PIF1: variants seen among roughly 807,000 people sequenced by gnomAD.
The protein encoded by PIF1 is ATP-dependent DNA helicase PIF1.
A neutral mutation model predicts 62.3 loss-of-function variants in PIF1; 67 were observed. That is an observed-to-expected ratio of 1.08 (90% CI 0.88 to 1.32). The LOEUF is 1.32. Ranked by LOEUF, PIF1 falls within the 40% of genes most tolerant of loss-of-function variation. PIF1 has a pLI of 0.00. For missense variants in PIF1, 886 were observed against 866.1 expected, an observed-to-expected ratio of 1.02 and a Z score of -0.29; for synonymous variants, 364 against 379.5, an observed-to-expected ratio of 0.96 and a Z score of 0.47.
At chr15:64,819,291 C>CT (rs760898346) in intron 8 of PIF1, 68 bp from the exon 9 acceptor site, 19 of 1,063,628 alleles carry the variant, frequency 1.8e-5, no homozygotes, top group Non-Finnish European at 9.6e-6. Flanking sequence ...CCAAAAAAGA[C>CT]TTTTTTTAAA....
At chr15:64,825,170 T>C (rs375537134) in intron 1 of PIF1, among the ~76,000 whole-genome samples, 55 of 151,230 alleles carry the variant, frequency 3.6e-4, no homozygotes, top group African/African-American at 1.1e-3. Context: ...GGCGAGCACA[T>C]GAATCCTCAG....
chr15:64,817,401 C>T, intron 11 of PIF1, among the ~76,000 whole-genome samples: 1 of 152,012 alleles, frequency 6.6e-6, no homozygotes, highest in Non-Finnish European at 1.5e-5. Context: ...AAAAAATTAG[C>T]CAGGCGTGGT....
chr15:64,819,339 T>G, intron 8 of PIF1, 116 bp from the exon 9 acceptor site: 1 of 732,826 alleles, frequency 1.4e-6, no homozygotes, highest in East Asian at 3.1e-5. Flanking sequence ...GAGAAGGAGT[T>G]TCGCTCTGTT....
intron 2 of PIF1, 106 bp from the exon 3 acceptor site, chr15:64,822,716 A>C: frequency 6.7e-7 from 1 of 1,493,852 alleles, no homozygotes. Flanking sequence ...TTTGTCCTCT[A>C]CTGCCTTCAT....
In PIF1 at chr15:64,815,826, GAC is replaced by G. The variant is rs1301690613; in HGVS notation, c.*470_*471del. The G allele has an allele frequency of 3.9e-6, 6 of 1,550,518 alleles. No individual in the cohort carries two copies. The Admixed American group carries it at 7.8e-5, about 20-fold the overall frequency. On this transcript the variant is annotated 3_prime_UTR_variant, in exon 13 of 13. Transcript: ENST00000559239. ...GGGCTAGGCTGGGCCTAGCTGTAGAGACACACCTAAGTTCCGTTCTCTGTTTG... is the reference window on the plus strand; with the variant it reads ...GGGCTAGGCTGGGCCTAGCTGTAGAGACACCTAAGTTCCGTTCTCTGTTTG...
chr15:64,824,229 T>C lies in PIF1; in HGVS notation c.107A>G (p.Gln36Arg). The change falls in exon 2 of 13, where the codon CAG (glutamine) becomes CGG (arginine). Residue 36 changes from glutamine to arginine, a missense_variant. By Grantham distance (43) the Gln-to-Arg change is conservative. Coordinates refer to ENST00000559239, the MANE Select transcript of PIF1 (RefSeq NM_001286496.2). The part of the protein sequence containing the change: ...LSPGGQPRRR[Q>R]ALRTAELSLG... ...GCTCAGCTCCGCGGTGCGCAGGGCC[T>C]GGCGCCTTCGCGGCTGCCCGCCCGG... The C allele has an allele frequency of 1.5e-6, 2 of 1,326,126 alleles. No individual in the cohort carries two copies. The highest frequency in any genetic ancestry group is 9.7e-7 in the Non-Finnish European group (1 of 1,031,104). 82.1% of individuals were successfully genotyped at this position (1,326,126 alleles called of 1,614,324 possible). A position where few individuals can be genotyped will look rare whatever the true frequency, so the allele number is the denominator to read the frequency against.
At chr15:64,821,811 C>T in intron 4 of PIF1, 1 of 347,060 alleles carries the variant, frequency 2.9e-6, no homozygotes, top group Non-Finnish European at 5.2e-6. Flanking sequence ...GTGATCTCGG[C>T]TCACTGCAAG....
chr15:64,824,416 G>T, intron 1 of PIF1, 62 bp from the exon 2 acceptor site: 1 of 1,111,946 alleles, frequency 9.0e-7, no homozygotes, highest in Non-Finnish European at 1.1e-6. Flanking sequence ...GTGCTATAGG[G>T]GACGTAATGG....
chr15:64,825,864 G>C (rs2141120087), upstream of PIF1, among the ~76,000 whole-genome samples: 1 of 152,310 alleles, frequency 6.6e-6, no homozygotes, highest in African/African-American at 2.4e-5. Flanking sequence ...GCTGGGCGTG[G>C]TGGGAGGAGG....
Position 64,818,281 on chromosome 15 carries a change from C to A in PIF1, c.1504G>T (p.Val502Phe), listed in dbSNP as rs749477064. ...GLVNGARGVV[V>F]GFEAEGRGLP... ...CCTCTCCCTTCTGCCTCGAACCCAA[C>A]TACCACCCCTCGGGCACCATTCACC... is the stretch of plus-strand genomic sequence containing the variant. Residue 502 changes from valine (V) to phenylalanine (F), a missense_variant, in exon 10 of 13, where the codon GTT becomes TTT. Val to Phe is a conservative substitution (Grantham distance 50). Coordinates refer to ENST00000559239, the MANE Select transcript of PIF1 (RefSeq NM_001286496.2). 3.0e-5 allele frequency: 48 copies of A among 1,614,080 alleles called. No individual in the cohort carries two copies. The South Asian group carries it at 5.3e-4, about 18-fold the overall frequency.
intron 10 of PIF1, 64 bp downstream of exon 10, chr15:64,818,193 C>G (rs1261485056): frequency 1.1e-5 from 17 of 1,609,720 alleles, no homozygotes; most frequent in East Asian, 2.2e-5. Context: ...TTTCTCCCCC[C>G]ACCATTCCCG....
At chr15:64,826,665 T>TATATATACATACAC (rs796684934), upstream of PIF1, among the ~76,000 whole-genome samples, 6 of 42,798 alleles carry the variant, frequency 1.4e-4, no homozygotes, top group African/African-American at 3.7e-4. Context: ...TATATATATA[T>TATATATACATACAC]ACACACACAC....
intron 4 of PIF1, 78 bp downstream of exon 4, chr15:64,822,188 C>T (rs2084299034): frequency 6.4e-7 from 1 of 1,555,566 alleles, no homozygotes; most frequent in Admixed American, 2.2e-5. Flanking sequence ...AAAACTCCCT[C>T]TTTATGCAGA....
In PIF1 at chr15:64,816,042, T is replaced by G; in HGVS notation, c.*256A>C. On this transcript the variant is annotated 3_prime_UTR_variant, in exon 13 of 13. Transcript: ENST00000559239. ...CATCAGCTACCACACAGGCTCATTC[T>G]CAACTGGCACAGAAAGGGTTACTTC... 1 of 1,466,236 alleles carries G rather than the reference T, an allele frequency of 6.8e-7. No homozygotes were observed. The highest frequency in any genetic ancestry group is 9.0e-7 in the Non-Finnish European group (1 of 1,112,190). 90.8% of individuals were successfully genotyped at this position (1,466,236 alleles called of 1,614,324 possible).
In PIF1 at chr15:64,815,978, G is replaced by C; in HGVS notation, c.*320C>G. 1 of 1,533,844 alleles carries C rather than the reference G, an allele frequency of 6.5e-7. No homozygotes were observed. The highest frequency in any genetic ancestry group is 8.8e-7 in the Non-Finnish European group (1 of 1,138,292). On this transcript the variant is annotated 3_prime_UTR_variant, in exon 13 of 13. Coordinates refer to ENST00000559239, the MANE Select transcript of PIF1 (RefSeq NM_001286496.2). ...AAGGAGGGATGTTCAGGACTCTGCA[G>C]CTCTGTGTCCAGCCCTTGCAGAGAG...
rs766736590 is a variant in PIF1 at position 64,823,903 on chromosome 15, G to C, written c.433C>G (p.Arg145Gly). The C allele has an allele frequency of 7.3e-6, 10 of 1,365,072 alleles. No individual in the cohort carries two copies. Among genetic ancestry groups the C allele is most frequent in the Admixed American group, 3.2e-5 (1 of 31,108 alleles). The allele number at this position is 1,365,072 out of a possible 1,614,324, so 84.6% of individuals were successfully genotyped here. A position where few individuals can be genotyped will look rare whatever the true frequency, so the allele number is the denominator to read the frequency against. The change falls in exon 2 of 13, where the codon CGC becomes GGC. Residue 145 changes from arginine to glycine, a missense_variant. Transcript: ENST00000559239. ...ARAQLLGPRP[R>G]DFVTISPVQP... ...ACAGGGCTGATGGTGACGAAGTCGC[G>C]GGGCCGCGGGCCCAGCAGCTGCGCT...
chr15:64,818,413 G>A lies in PIF1; in HGVS notation c.1441-69C>T, dbSNP rs998500764. 2.3e-5 allele frequency: 33 copies of A among 1,448,808 alleles called. No homozygotes were observed. In the African/African-American group the frequency reaches 4.6e-4, roughly 20 times the overall value. 89.7% of individuals were successfully genotyped at this position (1,448,808 alleles called of 1,614,324 possible). A position where few individuals can be genotyped will look rare whatever the true frequency, so the allele number is the denominator to read the frequency against. ...GCCTGGTCTTAGCTTCGCCATGGCT[G>A]TTCTCAGAGGCTGAGGGCAGGGAGC... is the stretch of plus-strand genomic sequence containing the variant. On this transcript the variant is annotated intron_variant, in intron 9 of 12. Transcript: ENST00000559239.
Position 64,819,858 on chromosome 15 carries a change from T to G in PIF1, c.1322A>C (p.Gln441Pro), listed in dbSNP as rs773345881. ...GGCTCCCTGCTCACCTGGCAGCTCC[T>G]GAAGCCGCCTCTCGTTGGTGAGGGC... ...DVALTNERRL[Q>P]ELPGKVHRFE... The change falls in exon 8 of 13, where the codon CAG (glutamine) becomes CCG (proline). Residue 441 changes from glutamine to proline, a missense_variant. By Grantham distance (76) the Gln-to-Pro change is moderately conservative (BLOSUM62 -1). Coordinates refer to ENST00000559239, the MANE Select transcript of PIF1 (RefSeq NM_001286496.2). 5 of 1,613,266 alleles carry G rather than the reference T, an allele frequency of 3.1e-6. No homozygotes were observed. The highest frequency in any genetic ancestry group is 4.2e-6 in the Non-Finnish European group (5 of 1,180,020).
At position 64,818,264 on chromosome 15, in the gene PIF1, T is replaced by G; in HGVS notation, c.1521A>C (p.Glu507Asp). The G allele has an allele frequency of 6.2e-7, 1 of 1,614,118 alleles. No homozygotes were observed. The highest frequency in any genetic ancestry group is 1.7e-5 in the Admixed American group (1 of 60,002). ...ARGVVVGFEAEGRGLPQVRFL... is the reference protein window; with the variant it reads ...ARGVVVGFEADGRGLPQVRFL... ...CCTCCTCCCAACACTTACCTCTCCCTTCTGCCTCGAACCCAACTACCACCC... is the reference window on the plus strand; with the variant it reads ...CCTCCTCCCAACACTTACCTCTCCCGTCTGCCTCGAACCCAACTACCACCC... Residue 507 changes from glutamate (E) to aspartate (D), a missense_variant, in exon 10 of 13, where the codon GAA (glutamate) becomes GAC (aspartate). Glu to Asp is a conservative substitution (Grantham distance 45). Transcript: ENST00000559239.
Sources: gnomAD v4.1 joint callset for allele counts (sites outside exome capture counted in the v4.1 genomes callset) on GRCh38, gnomAD v4.1.1 for gene constraint, MANE v1.5 for transcripts, NCBI Gene and HGNC (gene_info 2026-07-23, HGNC 2026-07-21) for gene names.